Variants in TSPAN33 observed in about 807,000 individuals in gnomAD.
TSPAN33 encodes the protein tetraspanin 33.
Under a neutral mutation model 34.8 loss-of-function variants are expected in TSPAN33, and 27 were observed. The observed-to-expected ratio is 0.78, with a 90% CI of 0.57 to 1.07. TSPAN33 has a LOEUF of 1.07. TSPAN33 is among the 50% of genes least tolerant of loss of function. The probability of loss-of-function intolerance (pLI) is 0.00; values close to 1 mark genes in which losing one functional copy is unlikely to be tolerated. For missense variants in TSPAN33, 272 were observed against 324.9 expected (o/e 0.84, Z 1.25); for synonymous variants, 119 against 124.2 (o/e 0.96, Z 0.28).
rs2648 is a variant in TSPAN33, at chr7:129,168,647, C to T, written c.*773C>T. On this transcript the variant is annotated 3_prime_UTR_variant, in exon 8 of 8. Transcript: ENST00000486685. ...GAGCCATACATGCCCTTGAATTCCT[C>T]CCTGTCTGGCCCTCCCTCTCCAGCA... The T allele has an allele frequency of 0.079, 12,041 of 152,808 alleles. 699 individuals are homozygous for T. Among genetic ancestry groups the T allele is most frequent in the Admixed American group, 0.17 (2,610 of 15,254 alleles). The allele number at this position is 152,808 out of a possible 1,614,324, so 9.5% of individuals were successfully genotyped here. A position where few individuals can be genotyped will look rare whatever the true frequency, so the allele number is the denominator to read the frequency against.
At chr7:129,146,301 G>T (rs1250591478) in intron 1 of TSPAN33, among the ~76,000 whole-genome samples, 1 of 152,136 alleles carries the variant, frequency 6.6e-6, no homozygotes, top group East Asian at 1.9e-4. Flanking sequence ...CCCATAGGGT[G>T]GTGATGACAG....
At chr7:129,158,406 T>C (rs909814992) in intron 1 of TSPAN33, among the ~76,000 whole-genome samples, 3 of 152,220 alleles carry the variant, frequency 2.0e-5, no homozygotes, top group African/African-American at 7.2e-5. Flanking sequence ...CTCTTTACTT[T>C]GCCCATTTTT....
intron 2 of TSPAN33, 59 bp downstream of exon 2, chr7:129,161,795 C>G (rs967141451): frequency 2.5e-6 from 4 of 1,603,624 alleles, no homozygotes; most frequent in Non-Finnish European, 3.4e-6. Flanking sequence ...TCCCCTCTGC[C>G]TCCTTCAGCC....
intron 1 of TSPAN33, among the ~76,000 whole-genome samples, chr7:129,147,054 A>G (rs376576995): frequency 1.3e-4 from 20 of 150,960 alleles, no homozygotes; most frequent in African/African-American, 4.9e-4. Context: ...AGACCCATTT[A>G]CCTTGGTAAA....
intron 4 of TSPAN33, among the ~76,000 whole-genome samples, chr7:129,163,483 T>C (rs1793086015): frequency 6.6e-6 from 1 of 152,076 alleles, no homozygotes; most frequent in Non-Finnish European, 1.5e-5. Flanking sequence ...GCCACCATGA[T>C]TGGCTTAATA....
At chr7:129,146,459 G>GT (rs1810521919) in intron 1 of TSPAN33, among the ~76,000 whole-genome samples, 1 of 152,244 alleles carries the variant, frequency 6.6e-6, no homozygotes, top group African/African-American at 2.4e-5. Context: ...GCACAGAGAT[G>GT]TTAAATGTTT....
Position 129,167,433 on chromosome 7 carries a change from A to T in TSPAN33, c.623A>T (p.Gln208Leu), listed in dbSNP as rs1171390304. The stretch of plus-strand genomic sequence containing the variant: ...AACACTATGTGTGGCCAAGGTATGC[A>T]GGCCTTTGACTACTTGGAAGCTAGC... ...VINTMCGQGM[Q>L]AFDYLEASKV... The change falls in exon 7 of 8, where the codon CAG becomes CTG. Residue 208 changes from glutamine to leucine, a missense_variant. Gln to Leu is a moderately radical substitution (Grantham distance 113). Coordinates refer to ENST00000486685, the MANE Select transcript of TSPAN33 (RefSeq NM_178562.5). This position sits in a 1 kb window ranked among gnomAD's most constrained non-coding sequence, Gnocchi z 4.6. 1 of 1,614,186 alleles carries T rather than the reference A, an allele frequency of 6.2e-7. No homozygotes were observed. Among genetic ancestry groups the T allele is most frequent in the Non-Finnish European group, 8.5e-7 (1 of 1,180,008 alleles).
intron 1 of TSPAN33, among the ~76,000 whole-genome samples, chr7:129,156,877 T>C (rs1279755631): frequency 6.6e-6 from 1 of 152,214 alleles, no homozygotes; most frequent in Non-Finnish European, 1.5e-5. Flanking sequence ...TTCATAGGGA[T>C]AATGGTACTG....
At chr7:129,153,497 T>C (rs1458921907) in intron 1 of TSPAN33, among the ~76,000 whole-genome samples, 3 of 152,200 alleles carry the variant, frequency 2.0e-5, no homozygotes, top group Non-Finnish European at 2.9e-5. Flanking sequence ...CAAGAGACTG[T>C]TCCAGGCTGA....
intron 5 of TSPAN33, 196 bp from the exon 6 acceptor site, chr7:129,166,582 T>C (rs141030108): frequency 1.7e-5 from 10 of 573,586 alleles, no homozygotes; most frequent in East Asian, 3.1e-5. Context: ...TACGAAGTAA[T>C]AGAAATTAAG....
Position 129,157,709 on chromosome 7 carries a change from A to C in TSPAN33, c.103-3970A>C, listed in dbSNP as rs1390689593. Among the ~76,000 whole-genome samples the C allele has an allele frequency of 3.9e-5, 6 of 152,284 alleles. No individual in the cohort carries two copies. The East Asian group carries it at 1.2e-3, about 29-fold the overall frequency. ...CTCTCCCCCAACAACCCTAAGTCCCAGGCGATTCTAATGGCAGCCAAAGTT... is the reference window on the plus strand; with the variant it reads ...CTCTCCCCCAACAACCCTAAGTCCCCGGCGATTCTAATGGCAGCCAAAGTT... On this transcript the variant is annotated intron_variant, in intron 1 of 7. Coordinates refer to ENST00000486685, the MANE Select transcript of TSPAN33 (RefSeq NM_178562.5).
chr7:129,163,898 G>A (rs1159464007), intron 4 of TSPAN33, among the ~76,000 whole-genome samples: 2 of 151,972 alleles, frequency 1.3e-5, no homozygotes, highest in Non-Finnish European at 2.9e-5. Context: ...CTGAGATCGC[G>A]CCACTACACT....
chr7:129,151,153 G>A (rs12673188), intron 1 of TSPAN33, among the ~76,000 whole-genome samples: 31,752 of 151,950 alleles, frequency 0.21, 3,507 homozygotes, highest in Admixed American at 0.27. Flanking sequence ...TTTAGACATG[G>A]TGTTGCTCTT....
chr7:129,167,743 G>A lies in TSPAN33; in HGVS notation c.751-30G>A, dbSNP rs748854019. On this transcript the variant is annotated intron_variant, in intron 7 of 7. Coordinates refer to ENST00000486685, the MANE Select transcript of TSPAN33 (RefSeq NM_178562.5). The surrounding 1 kb of genome is among the most constrained non-coding windows in gnomAD (Gnocchi z 4.6). ...GAAAACAAGGCCATCACTCACTGCT[G>A]AGTGCCCAATTCCTTCTTGCCTCTC... The A allele has an allele frequency of 3.7e-6, 6 of 1,610,464 alleles. No homozygotes were observed. Among genetic ancestry groups the A allele is most frequent in the Middle Eastern group, 1.6e-4 (1 of 6,066 alleles).
chr7:129,145,143 C>G, intron 1 of TSPAN33, 61 bp downstream of exon 1: 1 of 589,210 alleles, frequency 1.7e-6, no homozygotes, highest in Non-Finnish European at 3.1e-6. Flanking sequence ...GGAAGGGTGG[C>G]CCGGGGTGCC....
At chr7:129,151,710 T>A (rs540309192) in intron 1 of TSPAN33, among the ~76,000 whole-genome samples, 1 of 152,146 alleles carries the variant, frequency 6.6e-6, no homozygotes, top group Non-Finnish European at 1.5e-5. Context: ...CCCATGAACA[T>A]TAGTACCTGC....
chr7:129,162,055 C>T (rs527709389), intron 2 of TSPAN33, among the ~76,000 whole-genome samples: 3 of 152,258 alleles, frequency 2.0e-5, no homozygotes, highest in Non-Finnish European at 4.4e-5. Flanking sequence ...ACCCAACCAC[C>T]ATTCCTATTT....
At position 129,166,870 on chromosome 7, in the gene TSPAN33, TGTG is replaced by T; in HGVS notation, c.553_555del (p.Val185del). The T allele has an allele frequency of 6.2e-7, 1 of 1,614,128 alleles. No homozygotes were observed. Among genetic ancestry groups the T allele is most frequent in the Non-Finnish European group, 8.5e-7 (1 of 1,180,004 alleles). ...ACAACCCCAGTCGAGAGCGCTGCTC[TGTG>T]CCTTACTCCTGTTGCTTGCCTACTC... On this transcript the variant is annotated inframe_deletion, in exon 6 of 8. Coordinates refer to ENST00000486685, the MANE Select transcript of TSPAN33 (RefSeq NM_178562.5).
chr7:129,161,920 C>G (rs1793061215), intron 2 of TSPAN33, among the ~76,000 whole-genome samples, 184 bp downstream of exon 2: 1 of 152,210 alleles, frequency 6.6e-6, no homozygotes, highest in Admixed American at 6.5e-5. Context: ...TTTCCCTGAG[C>G]CCCTCTGAGT....
Sources: allele counts gnomAD v4.1 joint callset (sites outside exome capture counted in the v4.1 genomes callset), GRCh38; gene constraint gnomAD v4.1.1; non-coding constraint Gnocchi (gnomAD v3.1); transcripts MANE v1.5; gene names NCBI Gene and HGNC (gene_info 2026-07-23, HGNC 2026-07-21).